APBA2: variants seen among roughly 807,000 people sequenced by gnomAD.
APBA2 encodes amyloid-beta A4 precursor protein-binding family A member 2.
APBA2 carries 30 observed loss-of-function variants against 75.0 expected under a neutral mutation model. The ratio of observed to expected loss-of-function variants is 0.40; its 90% CI spans 0.30 to 0.54. The LOEUF is 0.54. Among genes scored for constraint, APBA2 ranks in the 20% least tolerant of loss-of-function variants. The pLI, the probability that APBA2 is intolerant of heterozygous loss-of-function variation, is 0.49. For missense variants in APBA2, 801 were observed against 1,016.1 expected, an observed-to-expected ratio of 0.79 and a Z score of 2.88; for synonymous variants, 444 against 409.6, an observed-to-expected ratio of 1.08 and a Z score of -1.01.
intron 3 of APBA2, among the ~76,000 whole-genome samples, chr15:29,005,106 G>A (rs1032092857): frequency 1.3e-5 from 2 of 152,182 alleles, no homozygotes; most frequent in African/African-American, 4.8e-5. Flanking sequence ...AAATAGCAAA[G>A]GCGTAGATAG....
chr15:28,980,872 G>A (rs1199952051), intron 2 of APBA2, among the ~76,000 whole-genome samples: 1 of 152,192 alleles, frequency 6.6e-6, no homozygotes, highest in Non-Finnish European at 1.5e-5. Flanking sequence ...AGAGAACCCA[G>A]AAATAAAGCC....
intron 4 of APBA2, among the ~76,000 whole-genome samples, chr15:29,072,902 C>A (rs1258781838): frequency 1.3e-5 from 2 of 152,146 alleles, no homozygotes; most frequent in East Asian, 3.9e-4. Context: ...GGAAGGGCAG[C>A]CCCATGTAGC....
intron 1 of APBA2, among the ~76,000 whole-genome samples, chr15:28,908,739 A>G (rs2033272293): frequency 6.6e-6 from 1 of 152,238 alleles, no homozygotes; most frequent in Non-Finnish European, 1.5e-5. Flanking sequence ...CTGGCATCTG[A>G]CATCAAGGAT....
rs2033800001 is a variant in APBA2, at chr15:28,918,581, G to C, written c.-204-3059G>C. On this transcript the variant is annotated intron_variant, in intron 1 of 14. Coordinates refer to ENST00000683413, the MANE Select transcript of APBA2 (RefSeq NM_001353788.2). The surrounding 1 kb of genome is among the most constrained non-coding windows in gnomAD (Gnocchi z 4.2). ...CGTCATTGTGGGAACACTCGGGCGG[G>C]ATGTATTTTAAAGGAGTGCCTGATG... 1.5e-5 allele frequency among the ~76,000 whole-genome samples: 2 copies of C among 137,532 alleles called. No homozygotes were observed. Among genetic ancestry groups the C allele is most frequent in the Admixed American group, 1.5e-4 (2 of 13,146 alleles). The allele number at this position is 137,532 out of a possible 152,430, so 90.2% of individuals were successfully genotyped here.
At chr15:28,968,595 C>T (rs937248149) in intron 2 of APBA2, among the ~76,000 whole-genome samples, 1 of 152,140 alleles carries the variant, frequency 6.6e-6, no homozygotes, top group South Asian at 2.1e-4. Context: ...GTTCACCCAT[C>T]TTTTTGTGAG....
At chr15:28,887,407 A>G (rs957428743) in intron 1 of APBA2, among the ~76,000 whole-genome samples, 13 of 152,248 alleles carry the variant, frequency 8.5e-5, no homozygotes, top group African/African-American at 2.9e-4. Flanking sequence ...TTGAAGTGGG[A>G]CGAGTTTTCC....
intron 1 of APBA2, among the ~76,000 whole-genome samples, chr15:28,908,455 C>T (rs561336714): frequency 6.6e-5 from 10 of 152,122 alleles, no homozygotes; most frequent in East Asian, 3.9e-4. Context: ...GGACTACAGG[C>T]GCCCGCCACC....
At chr15:28,989,271 T>C (rs1185748163) in intron 2 of APBA2, among the ~76,000 whole-genome samples, 3 of 152,212 alleles carry the variant, frequency 2.0e-5, no homozygotes, top group African/African-American at 7.2e-5. Flanking sequence ...CAGGGTTAAA[T>C]CCCAGCTTCA....
chr15:28,956,267 A>G (rs1353028380), intron 2 of APBA2, among the ~76,000 whole-genome samples: 3 of 152,028 alleles, frequency 2.0e-5, no homozygotes, highest in Non-Finnish European at 4.4e-5. Flanking sequence ...GTTGTACACC[A>G]TGGTGTTTTA....
At chr15:28,939,772 C>T (rs1197488221) in intron 2 of APBA2, among the ~76,000 whole-genome samples, 1 of 152,178 alleles carries the variant, frequency 6.6e-6, no homozygotes, top group Admixed American at 6.5e-5. Context: ...TGCAGTGCCC[C>T]TGTGGGTGCA....
Position 29,094,315 on chromosome 15 carries a change from T to C in APBA2, c.1251+2T>C. The C allele has an allele frequency of 6.2e-7, 1 of 1,614,172 alleles. No individual in the cohort carries two copies. On this transcript the variant is annotated splice_donor_variant, in intron 8 of 14. Transcript: ENST00000683413. LOFTEE classifies it high-confidence loss of function. ...GCTGCTAAGATCAAGAAAAAAGCGGTGTGTAGGGCCTTGAGGCCCTGGGAC... is the reference window on the plus strand; with the variant it reads ...GCTGCTAAGATCAAGAAAAAAGCGGCGTGTAGGGCCTTGAGGCCCTGGGAC...
intron 10 of APBA2, among the ~76,000 whole-genome samples, chr15:29,104,124 C>G (rs1216806180): frequency 6.6e-6 from 1 of 152,258 alleles, no homozygotes; most frequent in Non-Finnish European, 1.5e-5. Flanking sequence ...CATTCATCTG[C>G]TGCTCTTACA....
chr15:29,049,491 G>A (rs530711067), intron 3 of APBA2, among the ~76,000 whole-genome samples: 1 of 152,264 alleles, frequency 6.6e-6, no homozygotes, highest in Admixed American at 6.5e-5. Context: ...GAGTTTCAGG[G>A]GAGCACCTTA....
chr15:28,971,551 G>A (rs923751026), intron 2 of APBA2, among the ~76,000 whole-genome samples: 1 of 152,216 alleles, frequency 6.6e-6, no homozygotes, highest in African/African-American at 2.4e-5. Flanking sequence ...GTCTTGGAAA[G>A]TGCATGGGAT....
chr15:29,041,774 A>G (rs766646610), intron 3 of APBA2, among the ~76,000 whole-genome samples: 12 of 152,196 alleles, frequency 7.9e-5, no homozygotes, highest in Non-Finnish European at 1.6e-4. Context: ...GGATTCTAAA[A>G]TTTATATAGA....
At chr15:28,948,849 G>C (rs2035691934) in intron 2 of APBA2, among the ~76,000 whole-genome samples, 1 of 151,754 alleles carries the variant, frequency 6.6e-6, no homozygotes. Flanking sequence ...CCCAGGCCAG[G>C]CACAGAGCAG....
chr15:28,951,614 C>G (rs2035878002), intron 2 of APBA2, among the ~76,000 whole-genome samples: 3 of 152,034 alleles, frequency 2.0e-5, no homozygotes, highest in Admixed American at 2.0e-4. Flanking sequence ...GAGACAAAGC[C>G]TTGCTCTGTT....
intron 14 of APBA2, among the ~76,000 whole-genome samples, chr15:29,114,604 AGTGTGG>A (rs2152984914): frequency 6.6e-6 from 1 of 150,960 alleles, no homozygotes; most frequent in Admixed American, 6.6e-5. Context: ...AGTGTGAGCG[AGTGTGG>A]GTGTGTGCAT....
intron 4 of APBA2, among the ~76,000 whole-genome samples, chr15:29,071,750 C>T (rs2042632520): frequency 6.6e-6 from 1 of 151,310 alleles, no homozygotes; most frequent in African/African-American, 2.4e-5. Flanking sequence ...CCTCCTGCCT[C>T]TTTGGAAAGT....
Sources: allele counts gnomAD v4.1 joint callset (sites outside exome capture counted in the v4.1 genomes callset), GRCh38; gene constraint gnomAD v4.1.1; non-coding constraint Gnocchi (gnomAD v3.1); transcripts MANE v1.5; gene names NCBI Gene and HGNC (gene_info 2026-07-23, HGNC 2026-07-21).